CCSER1: variants seen among roughly 807,000 people sequenced by gnomAD.
CCSER1 encodes serine-rich coiled-coil domain-containing protein 1.
In CCSER1, 41 loss-of-function variants were observed where a neutral mutation model predicts 82.0. The observed-to-expected ratio is 0.50, with a 90% CI of 0.39 to 0.65. The LOEUF is 0.65. Ranked by LOEUF, CCSER1 falls within the 30% of genes least tolerant of loss-of-function variation. CCSER1 has a pLI of 0.00. For synonymous variants in CCSER1, 414 were observed against 383.9 expected (o/e 1.08, Z -0.92); for missense variants, 1,119 against 1,064.2 (o/e 1.05, Z -0.72).
At chr4:90,863,470 A>C (rs1294638795) in intron 8 of CCSER1, among the ~76,000 whole-genome samples, 2 of 151,858 alleles carry the variant, frequency 1.3e-5, no homozygotes, top group Admixed American at 1.3e-4. Context: ...ACTAACTCCT[A>C]AATAAGTGTG....
intron 6 of CCSER1, among the ~76,000 whole-genome samples, chr4:90,699,581 C>G (rs541043068): frequency 8.5e-5 from 13 of 152,258 alleles, no homozygotes; most frequent in African/African-American, 3.1e-4. Context: ...TCGTTGCTGA[C>G]TATTCAGAAG....
intron 10 of CCSER1, among the ~76,000 whole-genome samples, chr4:91,174,621 T>C (rs1401400645): frequency 6.6e-6 from 1 of 152,084 alleles, no homozygotes; most frequent in Non-Finnish European, 1.5e-5. Context: ...TACTATACTT[T>C]AAAATTTGCA....
In CCSER1 at chr4:90,476,378, G is replaced by A. The variant is rs1399916612; in HGVS notation, c.1724+8024G>A. Among the ~76,000 whole-genome samples, 4 of 152,216 alleles carry A rather than the reference G, an allele frequency of 2.6e-5. No homozygotes were observed. The East Asian group carries it at 5.8e-4, about 22-fold the overall frequency. ...ACATAACGCACAACCCATGGGCTGC[G>A]GAGGAACAGTCAATCACTGGTAGTG... On this transcript the variant is annotated intron_variant, in intron 5 of 10. Transcript: ENST00000509176.
intron 10 of CCSER1, among the ~76,000 whole-genome samples, chr4:91,538,446 A>C: frequency 6.6e-6 from 1 of 151,602 alleles, no homozygotes; most frequent in East Asian, 1.9e-4. Flanking sequence ...AAAAAAATAA[A>C]AAACAGCATT....
chr4:90,936,256 A>G (rs1260775796), intron 9 of CCSER1, among the ~76,000 whole-genome samples: 1 of 152,092 alleles, frequency 6.6e-6, no homozygotes, highest in Non-Finnish European at 1.5e-5. Context: ...TATTGAATGC[A>G]TTATACCTTA....
chr4:91,493,302 A>G (rs749560878), intron 10 of CCSER1, among the ~76,000 whole-genome samples: 4 of 151,886 alleles, frequency 2.6e-5, no homozygotes, highest in Non-Finnish European at 5.9e-5. Flanking sequence ...CATTTATCAC[A>G]TGATAAAGAA....
intron 10 of CCSER1, among the ~76,000 whole-genome samples, chr4:91,503,067 G>T (rs1759294161): frequency 6.6e-6 from 1 of 152,126 alleles, no homozygotes; most frequent in Non-Finnish European, 1.5e-5. Context: ...TTGCAGCCAG[G>T]CACGGTGGCT....
At chr4:90,303,007 T>C (rs995146191) in intron 1 of CCSER1, among the ~76,000 whole-genome samples, 2 of 152,154 alleles carry the variant, frequency 1.3e-5, no homozygotes, top group African/African-American at 4.8e-5. Context: ...TATTTTCCTC[T>C]TATTTGGCTG....
At chr4:90,259,633 T>C (rs1723953157) in intron 1 of CCSER1, among the ~76,000 whole-genome samples, 1 of 152,196 alleles carries the variant, frequency 6.6e-6, no homozygotes, top group Non-Finnish European at 1.5e-5. Flanking sequence ...GTAAGTCCCT[T>C]CTATGCCTAT....
At chr4:90,752,458 G>C (rs1042120341) in intron 7 of CCSER1, among the ~76,000 whole-genome samples, 2 of 152,024 alleles carry the variant, frequency 1.3e-5, no homozygotes, top group African/African-American at 4.8e-5. Flanking sequence ...GGTAATTTGG[G>C]CCTGAGTCAT....
intron 9 of CCSER1, among the ~76,000 whole-genome samples, chr4:91,069,327 A>T (rs1403065607): frequency 6.6e-6 from 1 of 152,158 alleles, no homozygotes; most frequent in Non-Finnish European, 1.5e-5. Flanking sequence ...AAGGTTAGCG[A>T]GAGAAAAGAA....
At chr4:90,858,737 A>G (rs2149973283) in intron 8 of CCSER1, among the ~76,000 whole-genome samples, 1 of 152,024 alleles carries the variant, frequency 6.6e-6, no homozygotes, top group South Asian at 2.1e-4. Context: ...TATAATTTAG[A>G]AGTATTTTAT....
At chr4:90,379,994 C>A (rs912774093) in intron 3 of CCSER1, among the ~76,000 whole-genome samples, 2 of 152,106 alleles carry the variant, frequency 1.3e-5, no homozygotes, top group African/African-American at 2.4e-5. Context: ...CAGGAGAACT[C>A]ACTCACTTTC....
chr4:90,475,434 A>G (rs777477254), intron 5 of CCSER1, among the ~76,000 whole-genome samples: 21 of 152,338 alleles, frequency 1.4e-4, no homozygotes, highest in Non-Finnish European at 2.2e-4. Context: ...TGTTGCCTAA[A>G]TATAGGTCTC....
At chr4:90,881,584 C>A (rs1329574510) in intron 8 of CCSER1, among the ~76,000 whole-genome samples, 1 of 151,978 alleles carries the variant, frequency 6.6e-6, no homozygotes, top group Non-Finnish European at 1.5e-5. Flanking sequence ...CCAGCCTGGG[C>A]AATGTGGTGA....
chr4:91,329,174 A>C (rs959347252), intron 10 of CCSER1, among the ~76,000 whole-genome samples: 1 of 152,146 alleles, frequency 6.6e-6, no homozygotes, highest in Non-Finnish European at 1.5e-5. Context: ...CCACACAAAA[A>C]GAGTAGTTAA....
chr4:91,162,500 G>T (rs1225174542), intron 10 of CCSER1, among the ~76,000 whole-genome samples: 1 of 152,146 alleles, frequency 6.6e-6, no homozygotes, highest in African/African-American at 2.4e-5. Flanking sequence ...TTTTCAGAAG[G>T]AATGGTACCA....
intron 10 of CCSER1, among the ~76,000 whole-genome samples, chr4:91,137,178 C>T (rs952393259): frequency 8.6e-6 from 1 of 116,926 alleles, no homozygotes; most frequent in African/African-American, 3.2e-5. Flanking sequence ...CACCCCACCA[C>T]AGTCCCCAGA....
chr4:90,347,891 C>T (rs1351109240), intron 3 of CCSER1, among the ~76,000 whole-genome samples: 2 of 152,176 alleles, frequency 1.3e-5, no homozygotes, highest in Admixed American at 1.3e-4. Flanking sequence ...CATAGGTCCA[C>T]TGGCTCTGAT....
Sources: gnomAD v4.1 joint callset for allele counts (sites outside exome capture counted in the v4.1 genomes callset) on GRCh38, gnomAD v4.1.1 for gene constraint, MANE v1.5 for transcripts, NCBI Gene and HGNC (gene_info 2026-07-23, HGNC 2026-07-21) for gene names.